PTCHD4: variants seen among roughly 807,000 people sequenced by gnomAD.
PTCHD4 encodes the protein patched domain-containing protein 4.
A neutral mutation model predicts 58.1 loss-of-function variants in PTCHD4; 33 were observed. The ratio of observed to expected loss-of-function variants is 0.57; its 90% CI spans 0.43 to 0.76. The LOEUF (loss-of-function observed/expected upper bound fraction) is 0.76, where lower values mean the gene tolerates loss of function less well. Among genes scored for constraint, PTCHD4 ranks in the 30% least tolerant of loss-of-function variants. PTCHD4 has a pLI of 0.00. For missense variants in PTCHD4, 1,058 were observed against 1,027.1 expected, an observed-to-expected ratio of 1.03 and a Z score of -0.41; for synonymous variants, 478 against 409.6, an observed-to-expected ratio of 1.17 and a Z score of -2.02.
chr6:47,923,000 A>G (rs1052358863), intron 4 of PTCHD4, among the ~76,000 whole-genome samples: 3 of 152,120 alleles, frequency 2.0e-5, no homozygotes, highest in African/African-American at 4.8e-5. Context: ...CCTTTGGTAC[A>G]TATTTGGTTC....
In PTCHD4 at chr6:47,997,311, A is replaced by T. The variant is rs564517915; in HGVS notation, c.898+11323T>A. Reference sequence around the variant, plus strand: ...TTTTGTCCCCATTTATTTCTGGTAAAATTATCTAATTTTCCTTCATTACTT... The same window carrying T: ...TTTTGTCCCCATTTATTTCTGGTAATATTATCTAATTTTCCTTCATTACTT... On this transcript the variant is annotated intron_variant, in intron 4 of 4. Transcript: ENST00000339488. Among the ~76,000 whole-genome samples, 16 of 152,020 alleles carry T rather than the reference A, an allele frequency of 1.1e-4. No homozygotes were observed. In the South Asian group the frequency reaches 2.5e-3, roughly 24 times the overall value.
chr6:47,906,040 A>G (rs1167866292), intron 4 of PTCHD4, among the ~76,000 whole-genome samples: 1 of 152,374 alleles, frequency 6.6e-6, no homozygotes, highest in East Asian at 1.9e-4. Flanking sequence ...CAGTGTAAAA[A>G]GAAGCCAAGA....
At chr6:47,965,086 T>G (rs1446571098) in intron 4 of PTCHD4, among the ~76,000 whole-genome samples, 2 of 152,186 alleles carry the variant, frequency 1.3e-5, no homozygotes, top group African/African-American at 4.8e-5. Context: ...TGAGCCACAT[T>G]TACTCTTTAT....
At chr6:48,062,464 A>C (rs992440803) in intron 3 of PTCHD4, among the ~76,000 whole-genome samples, 1 of 151,988 alleles carries the variant, frequency 6.6e-6, no homozygotes, top group African/African-American at 2.4e-5. Context: ...CCCACCCCCC[A>C]CTTTTTTTTA....
chr6:47,857,212 G>T lies in PTCHD4; in HGVS notation c.*21091C>A, dbSNP rs1374815602. 2.0e-5 allele frequency among the ~76,000 whole-genome samples: 3 copies of T among 152,044 alleles called. No homozygotes were observed. Among genetic ancestry groups the T allele is most frequent in the Non-Finnish European group, 4.4e-5 (3 of 67,980 alleles). ...TTTGTCCCAAAGTGCTGCTAACTGT[G>T]TGCTGGTGTATTGTGCTGCCTATGG... On this transcript the variant is annotated 3_prime_UTR_variant, in exon 5 of 5. Transcript: ENST00000339488.
intron 1 of PTCHD4, among the ~76,000 whole-genome samples, chr6:48,082,481 C>T (rs1283516923): frequency 6.6e-6 from 1 of 152,192 alleles, no homozygotes; most frequent in Non-Finnish European, 1.5e-5. Flanking sequence ...CACACACACA[C>T]AATGCATAAT....
At chr6:47,952,890 G>C (rs561814757) in intron 4 of PTCHD4, among the ~76,000 whole-genome samples, 35 of 151,760 alleles carry the variant, frequency 2.3e-4, no homozygotes, top group Admixed American at 5.3e-4. Context: ...ACTGTATATA[G>C]TATATATACT....
intron 4 of PTCHD4, among the ~76,000 whole-genome samples, chr6:47,930,088 G>A (rs1240784696): frequency 1.3e-5 from 2 of 152,092 alleles, no homozygotes; most frequent in Non-Finnish European, 2.9e-5. Flanking sequence ...CTGGGTCAGT[G>A]GCCTTAAATC....
In PTCHD4 at chr6:47,974,679, C is replaced by T. The variant is rs111460733; in HGVS notation, c.898+33955G>A. ...ATTGCCCCTGGTTGAGAATGCTGTA[C>T]GAATATAAGAAAAATATTTGATTTT... On this transcript the variant is annotated intron_variant, in intron 4 of 4. Transcript: ENST00000339488. Among the ~76,000 whole-genome samples, 11 of 152,214 alleles carry T rather than the reference C, an allele frequency of 7.2e-5. No individual in the cohort carries two copies. In the East Asian group the frequency reaches 1.9e-3, roughly 27 times the overall value.
At chr6:48,006,384 T>C (rs749327538) in intron 4 of PTCHD4, among the ~76,000 whole-genome samples, 14 of 152,222 alleles carry the variant, frequency 9.2e-5, no homozygotes, top group Non-Finnish European at 1.5e-4. Flanking sequence ...CTTTATTTTA[T>C]GGAATATGTA....
At chr6:48,047,732 GCCC>G (rs1764088114) in intron 3 of PTCHD4, among the ~76,000 whole-genome samples, 1 of 151,748 alleles carries the variant, frequency 6.6e-6, no homozygotes, top group Admixed American at 6.6e-5. Flanking sequence ...AGGCTCCCTT[GCCC>G]CTTCTATCAT....
intron 4 of PTCHD4, among the ~76,000 whole-genome samples, chr6:47,902,563 G>T (rs559867823): frequency 5.6e-4 from 86 of 152,302 alleles, no homozygotes; most frequent in African/African-American, 2.0e-3. Flanking sequence ...AATGAAATGG[G>T]AGACATTTAG....
At chr6:47,903,509 T>G (rs893913503) in intron 4 of PTCHD4, among the ~76,000 whole-genome samples, 1 of 152,044 alleles carries the variant, frequency 6.6e-6, no homozygotes, top group African/African-American at 2.4e-5. Context: ...GAGATGGAAT[T>G]TTACCATGTT....
intron 1 of PTCHD4, among the ~76,000 whole-genome samples, chr6:48,073,851 T>A (rs183375936): frequency 6.6e-6 from 1 of 152,288 alleles, no homozygotes; most frequent in Admixed American, 6.5e-5. Flanking sequence ...CCAGGGAGGC[T>A]GAAAAAAATG....
intron 4 of PTCHD4, among the ~76,000 whole-genome samples, chr6:48,001,351 G>C (rs1252405297): frequency 6.6e-6 from 1 of 151,404 alleles, no homozygotes; most frequent in Non-Finnish European, 1.5e-5. Flanking sequence ...ACCTGACTTC[G>C]AACTATATAC....
intron 4 of PTCHD4, among the ~76,000 whole-genome samples, chr6:47,921,131 T>A (rs1007278740): frequency 6.6e-6 from 1 of 152,166 alleles, no homozygotes; most frequent in Non-Finnish European, 1.5e-5. Flanking sequence ...TAAAATATGA[T>A]CTTATGACAA....
chr6:47,996,500 G>A (rs1050986524), intron 4 of PTCHD4, among the ~76,000 whole-genome samples: 3 of 152,036 alleles, frequency 2.0e-5, no homozygotes, highest in Admixed American at 6.6e-5. Flanking sequence ...CTCAGGCCCC[G>A]CAGTACCCTC....
At position 48,068,518 on chromosome 6, in the gene PTCHD4, G is replaced by C; in HGVS notation, c.129C>G (p.Leu43=). The change falls in exon 3 of 5, where the codon CTC becomes CTG. Residue 43 remains leucine, a synonymous_variant. Coordinates refer to ENST00000339488, the MANE Select transcript of PTCHD4 (RefSeq NM_001384253.1). The surrounding 1 kb of genome is among the most constrained non-coding windows in gnomAD (Gnocchi z 4.2). ...TGATTGTCAGGACTGCGGGCACGGT[G>C]AGGAAAAAGACCGGGTGCCGGCTCA... ...LCVSRHPVFF[L]TVPAVLTITF... The C allele has an allele frequency of 1.2e-6, 2 of 1,612,434 alleles. No individual in the cohort carries two copies. Among genetic ancestry groups the C allele is most frequent in the East Asian group, 2.2e-5 (1 of 44,840 alleles).
intron 4 of PTCHD4, among the ~76,000 whole-genome samples, chr6:47,916,497 A>G (rs986842791): frequency 6.6e-6 from 1 of 152,078 alleles, no homozygotes; most frequent in African/African-American, 2.4e-5. Flanking sequence ...ACCTACAAAT[A>G]ATCAGTCGAT....
Sources: gnomAD v4.1 joint callset for allele counts (sites outside exome capture counted in the v4.1 genomes callset) on GRCh38, gnomAD v4.1.1 for gene constraint, Gnocchi (gnomAD v3.1) non-coding constraint, MANE v1.5 for transcripts, NCBI Gene and HGNC (gene_info 2026-07-23, HGNC 2026-07-21) for gene names.